The following CFAP58 variants were observed in gnomAD, a reference collection of about 807,000 sequenced individuals.
CFAP58 encodes cilia and flagella associated protein 58.
Under a neutral mutation model 119.5 loss-of-function variants are expected in CFAP58, and 88 were observed. The observed-to-expected ratio is 0.74, with a 90% CI of 0.62 to 0.88. The LOEUF is 0.88. CFAP58 is among the 40% of genes least tolerant of loss of function. The pLI is 0.00. For synonymous variants in CFAP58, 365 were observed against 366.3 expected, an observed-to-expected ratio of 1.00 and a Z score of 0.04; for missense variants, 990 against 1,021.2, an observed-to-expected ratio of 0.97 and a Z score of 0.42.
At chr10:104,364,995 G>A (rs761712975) in intron 4 of CFAP58, 106 bp downstream of exon 4, 22 of 1,179,392 alleles carry the variant, frequency 1.9e-5, no homozygotes, top group Admixed American at 2.9e-5. Context: ...ACCCCCTAGC[G>A]CCCAAATGAA....
chr10:104,358,244 A>G, intron 1 of CFAP58, 97 bp from the exon 2 acceptor site: 3 of 1,274,332 alleles, frequency 2.4e-6, no homozygotes, highest in Non-Finnish European at 3.2e-6. Context: ...TTTTGCTCAT[A>G]TGGAGGTGTT....
chr10:104,373,610 C>T (rs980262008), intron 7 of CFAP58, among the ~76,000 whole-genome samples: 6 of 152,032 alleles, frequency 3.9e-5, no homozygotes, highest in Non-Finnish European at 8.8e-5. Context: ...ACTATGATTG[C>T]ACATACTGCA....
chr10:104,438,341 GTTT>G lies in CFAP58; in HGVS notation c.2257-9353_2257-9351del, dbSNP rs1325921091. The stretch of plus-strand genomic sequence containing the variant: ...AATTTTTATTGTTTTTTTGTTTTTT[GTTT>G]TTTGTTTTTTTTTTTTGTTTTTTTT... On this transcript the variant is annotated intron_variant, in intron 15 of 17. Coordinates refer to ENST00000369704, the MANE Select transcript of CFAP58 (RefSeq NM_001008723.2). 6.1e-4 allele frequency among the ~76,000 whole-genome samples: 62 copies of G among 101,304 alleles called. 1 individual carries two copies. In the East Asian group the frequency reaches 6.2e-3, roughly 10 times the overall value. The allele number at this position is 101,304 out of a possible 152,430, so 66.5% of individuals were successfully genotyped here.
intron 17 of CFAP58, among the ~76,000 whole-genome samples, chr10:104,450,429 C>G (rs1265269933): frequency 6.6e-6 from 1 of 152,186 alleles, no homozygotes; most frequent in African/African-American, 2.4e-5. Flanking sequence ...TTAATATCTG[C>G]TCATTGGTGG....
chr10:104,403,279 A>G (rs896054962), intron 13 of CFAP58, among the ~76,000 whole-genome samples: 2 of 152,120 alleles, frequency 1.3e-5, no homozygotes, highest in Admixed American at 1.3e-4. Flanking sequence ...CCACGATGTA[A>G]GATGTTCCTT....
intron 3 of CFAP58, among the ~76,000 whole-genome samples, chr10:104,364,396 G>A (rs2014712907): frequency 6.9e-6 from 1 of 145,972 alleles, no homozygotes; most frequent in South Asian, 2.2e-4. Context: ...TCAGTGATAT[G>A]TTTTTCTGGG....
At chr10:104,398,797 A>G (rs1246130656) in intron 11 of CFAP58, among the ~76,000 whole-genome samples, 1 of 152,256 alleles carries the variant, frequency 6.6e-6, no homozygotes, top group Non-Finnish European at 1.5e-5. Flanking sequence ...TGGAAGTGCC[A>G]TAGAAGTAGG....
At chr10:104,365,464 T>C (rs2014729031) in intron 4 of CFAP58, among the ~76,000 whole-genome samples, 2 of 152,198 alleles carry the variant, frequency 1.3e-5, no homozygotes, top group South Asian at 4.1e-4. Context: ...TTAGGGTAGC[T>C]AGCCACATTT....
intron 9 of CFAP58, among the ~76,000 whole-genome samples, chr10:104,383,805 TC>T (rs1458752311): frequency 6.8e-6 from 1 of 146,766 alleles, no homozygotes; most frequent in Admixed American, 6.9e-5. Context: ...AACGAAAAGC[TC>T]CCTTATGTGC....
the CFAP58 span, among the ~76,000 whole-genome samples, chr10:104,338,682 C>T: frequency 1.4e-4 from 21 of 151,590 alleles, no homozygotes; most frequent in South Asian, 4.0e-3. Flanking sequence ...TAAACTGGAG[C>T]GAGTGGACAG....
Position 104,399,420 on chromosome 10 carries a change from G to T in CFAP58, c.1735G>T (p.Glu579Ter). Reference protein sequence around the residue: ...LETKHFIEKQEAEERKLLRII... With the variant: ...LETKHFIEKQ ...GACAAAACACTTTATTGAAAAGCAA[G>T]AAGCTGAAGAGAGAAAACTCCTGCG... The change falls in exon 12 of 18, where the codon GAA (glutamate) becomes TAA (stop). Residue 579 changes from glutamate to a stop codon, truncating the protein, a stop_gained. Coordinates refer to ENST00000369704, the MANE Select transcript of CFAP58 (RefSeq NM_001008723.2). LOFTEE classifies it high-confidence loss of function. 1 of 1,613,912 alleles carries T rather than the reference G, an allele frequency of 6.2e-7. No individual in the cohort carries two copies. The highest frequency in any genetic ancestry group is 8.5e-7 in the Non-Finnish European group (1 of 1,179,858).
intron 7 of CFAP58, among the ~76,000 whole-genome samples, chr10:104,375,362 T>C (rs1367706975): frequency 2.0e-5 from 3 of 152,122 alleles, no homozygotes; most frequent in Non-Finnish European, 4.4e-5. Flanking sequence ...CACTTCCGTT[T>C]ATCTGAATTT....
intron 14 of CFAP58, among the ~76,000 whole-genome samples, chr10:104,406,153 G>T (rs1564894747): frequency 2.0e-5 from 3 of 152,174 alleles, no homozygotes. Context: ...AGATGGTAGG[G>T]TAAGCCTCAG....
chr10:104,440,851 C>A (rs1338894295), intron 15 of CFAP58, among the ~76,000 whole-genome samples: 1 of 152,096 alleles, frequency 6.6e-6, no homozygotes, highest in Non-Finnish European at 1.5e-5. Flanking sequence ...TTCCGTGGCC[C>A]ACCAAATTGA....
At chr10:104,379,061 A>G (rs925124711) in intron 8 of CFAP58, among the ~76,000 whole-genome samples, 1 of 152,208 alleles carries the variant, frequency 6.6e-6, no homozygotes, top group African/African-American at 2.4e-5. Context: ...AAAATTTACT[A>G]TTAGTGACAT....
At chr10:104,450,977 T>TG (rs11415700) in intron 17 of CFAP58, among the ~76,000 whole-genome samples, 47,910 of 151,948 alleles carry the variant, frequency 0.32, 8,006 homozygotes, top group African/African-American at 0.44. Flanking sequence ...GTTAACATTT[T>TG]GGTTTCAGGA....
intron 11 of CFAP58, 145 bp from the exon 12 acceptor site, chr10:104,399,215 T>A (rs2012216922): frequency 1.4e-6 from 1 of 713,770 alleles, no homozygotes; most frequent in African/African-American, 1.8e-5. Flanking sequence ...AAGCTTGTTT[T>A]GCTTGTGAGA....
At chr10:104,378,244 G>A (rs1002166887) in intron 8 of CFAP58, among the ~76,000 whole-genome samples, 2 of 152,146 alleles carry the variant, frequency 1.3e-5, no homozygotes, top group African/African-American at 2.4e-5. Flanking sequence ...TTCATCCAAA[G>A]AATGAGTGAA....
intron 13 of CFAP58, among the ~76,000 whole-genome samples, chr10:104,403,183 C>T (rs896026007): frequency 6.6e-6 from 1 of 152,138 alleles, no homozygotes; most frequent in Non-Finnish European, 1.5e-5. Context: ...CCATGCTGTT[C>T]TCATTGTAGT....
Sources: gnomAD v4.1 joint callset for allele counts (sites outside exome capture counted in the v4.1 genomes callset) on GRCh38, gnomAD v4.1.1 for gene constraint, MANE v1.5 for transcripts, NCBI Gene and HGNC (gene_info 2026-07-23, HGNC 2026-07-21) for gene names.